ADAMTS9: variants seen among roughly 807,000 people sequenced by gnomAD.
ADAMTS9 encodes the protein A disintegrin and metalloproteinase with thrombospondin motifs 9.
ADAMTS9 carries 107 observed loss-of-function variants against 257.1 expected under a neutral mutation model. That is an observed-to-expected ratio of 0.42 (90% CI 0.36 to 0.49). The LOEUF is 0.49. Ranked by LOEUF, ADAMTS9 falls within the 20% of genes least tolerant of loss-of-function variation. ADAMTS9 has a pLI of 0.03. For synonymous variants in ADAMTS9, 982 were observed against 880.9 expected (o/e 1.11, Z -2.03); for missense variants, 2,353 against 2,469.1 (o/e 0.95, Z 1.00).
chr3:64,585,997 A>T (rs1282163410), intron 28 of ADAMTS9, among the ~76,000 whole-genome samples: 1 of 152,106 alleles, frequency 6.6e-6, no homozygotes, highest in African/African-American at 2.4e-5. Flanking sequence ...CTTTCCACTC[A>T]TGTTACATTT....
intron 27 of ADAMTS9, 106 bp downstream of exon 27, chr3:64,596,724 G>C: frequency 7.3e-7 from 1 of 1,371,780 alleles, no homozygotes; most frequent in South Asian, 1.4e-5. Flanking sequence ...CACCCCAGAA[G>C]CTTCTACTAG....
chr3:64,561,443 G>C, intron 30 of ADAMTS9, 135 bp downstream of exon 30: 1 of 998,308 alleles, frequency 1.0e-6, no homozygotes, highest in Non-Finnish European at 1.4e-6. Context: ...GAGTCTGACA[G>C]TGAACCTTTT....
At chr3:64,651,440 G>A (rs1331078785) in intron 8 of ADAMTS9, among the ~76,000 whole-genome samples, 1 of 152,172 alleles carries the variant, frequency 6.6e-6, no homozygotes, top group African/African-American at 2.4e-5. Context: ...GTACTTTTAG[G>A]AATTGCAGAG....
intron 30 of ADAMTS9, among the ~76,000 whole-genome samples, chr3:64,554,577 T>C (rs2083307850): frequency 1.3e-5 from 2 of 152,168 alleles, no homozygotes; most frequent in African/African-American, 2.4e-5. Flanking sequence ...TGAAAAACAG[T>C]TGGAAAGTTC....
At chr3:64,619,586 G>A (rs552691103) in intron 19 of ADAMTS9, among the ~76,000 whole-genome samples, 3 of 151,978 alleles carry the variant, frequency 2.0e-5, no homozygotes, top group African/African-American at 4.8e-5. Context: ...AGAATTAGTA[G>A]GGTATTAATT....
At chr3:64,634,797 T>C (rs1490016748) in intron 12 of ADAMTS9, among the ~76,000 whole-genome samples, 5 of 152,194 alleles carry the variant, frequency 3.3e-5, no homozygotes, top group African/African-American at 9.6e-5. Context: ...CCTTTTTCCT[T>C]TAGAATGAAT....
At chr3:64,608,971 T>C (rs2084616149) in intron 22 of ADAMTS9, among the ~76,000 whole-genome samples, 1 of 151,286 alleles carries the variant, frequency 6.6e-6, no homozygotes, top group South Asian at 2.1e-4. Flanking sequence ...TGGCCCAACA[T>C]AAGAAAATCA....
Position 64,686,845 on chromosome 3 carries a change from G to A in ADAMTS9, c.239C>T (p.Thr80Ile). The stretch of plus-strand genomic sequence containing the variant: ...GGAGGCGAAGGCAGGCCAGGGGTCA[G>A]TGGCAGAGTTAATGCTCCGTCGCGT... ...KRTRRSINSATDPWPAFASSS... is the reference protein window; with the variant it reads ...KRTRRSINSAIDPWPAFASSS... The change falls in exon 2 of 40, where the codon ACT (threonine) becomes ATT (isoleucine). Residue 80 changes from threonine to isoleucine, a missense_variant. By Grantham distance (89) the Thr-to-Ile change is moderately conservative. This residue lies in a region of ADAMTS9 where 591 missense variants were observed against 569.6 expected (regional missense o/e 1.04). Coordinates refer to ENST00000498707, the MANE Select transcript of ADAMTS9 (RefSeq NM_182920.2). This position sits in a 1 kb window ranked among gnomAD's most constrained non-coding sequence, Gnocchi z 4.6. 1 of 1,614,166 alleles carries A rather than the reference G, an allele frequency of 6.2e-7. No homozygotes were observed. Among genetic ancestry groups the A allele is most frequent in the Admixed American group, 1.7e-5 (1 of 60,018 alleles).
intron 11 of ADAMTS9, among the ~76,000 whole-genome samples, chr3:64,643,692 T>C (rs1217231192): frequency 6.6e-6 from 1 of 151,902 alleles, no homozygotes; most frequent in Admixed American, 6.6e-5. Flanking sequence ...CTCAAACTCC[T>C]AGACTCAAGC....
intron 4 of ADAMTS9, among the ~76,000 whole-genome samples, chr3:64,656,287 C>T (rs894758289): frequency 3.9e-5 from 6 of 152,114 alleles, no homozygotes; most frequent in East Asian, 3.8e-4. Flanking sequence ...TTGACAACCT[C>T]GTTAACCTGG....
chr3:64,542,096 A>C, intron 32 of ADAMTS9, 126 bp from the exon 33 acceptor site: 4 of 1,297,142 alleles, frequency 3.1e-6, no homozygotes, highest in Non-Finnish European at 4.2e-6. Context: ...TGTGTCGCTG[A>C]ATACAAAAAG....
At chr3:64,592,053 A>C (rs1182656266) in intron 28 of ADAMTS9, among the ~76,000 whole-genome samples, 4 of 152,212 alleles carry the variant, frequency 2.6e-5, no homozygotes, top group African/African-American at 4.8e-5. Flanking sequence ...AAATAAACAC[A>C]CAATTAAAAT....
chr3:64,554,392 C>A (rs2083305603), intron 30 of ADAMTS9, among the ~76,000 whole-genome samples: 1 of 152,160 alleles, frequency 6.6e-6, no homozygotes, highest in African/African-American at 2.4e-5. Flanking sequence ...AATCACATGG[C>A]AAGGGTTTTC....
intron 37 of ADAMTS9, among the ~76,000 whole-genome samples, chr3:64,535,949 T>G (rs2083044271): frequency 1.3e-5 from 2 of 152,188 alleles, no homozygotes; most frequent in South Asian, 4.2e-4. Flanking sequence ...ATGTCCCTCT[T>G]TTCTCCCTCC....
chr3:64,621,356 C>T (rs1164842256), intron 18 of ADAMTS9, 116 bp from the exon 19 acceptor site: 9 of 1,211,278 alleles, frequency 7.4e-6, no homozygotes, highest in Admixed American at 2.3e-5. Flanking sequence ...ATCTTCAGAG[C>T]GTATGATCTC....
At chr3:64,639,979 G>T (rs747692678) in intron 12 of ADAMTS9, among the ~76,000 whole-genome samples, 1 of 152,180 alleles carries the variant, frequency 6.6e-6, no homozygotes, top group Non-Finnish European at 1.5e-5. Context: ...TAGGCAGGAA[G>T]TAGGAATAGT....
In ADAMTS9 at chr3:64,516,780, A is replaced by G. The variant is rs2082780465; in HGVS notation, c.*347T>C. 6.5e-6 allele frequency: 1 copy of G among 152,692 alleles called. No individual in the cohort carries two copies. Among genetic ancestry groups the G allele is most frequent in the African/African-American group, 2.4e-5 (1 of 41,470 alleles). 9.5% of individuals were successfully genotyped at this position (152,692 alleles called of 1,614,324 possible). On this transcript the variant is annotated 3_prime_UTR_variant, in exon 40 of 40. Coordinates refer to ENST00000498707, the MANE Select transcript of ADAMTS9 (RefSeq NM_182920.2). ...AACATTTACAGATGAAAAGTAAACAATAGTGTACCGTGATAATGAAGGATC... is the reference window on the plus strand; with the variant it reads ...AACATTTACAGATGAAAAGTAAACAGTAGTGTACCGTGATAATGAAGGATC...
chr3:64,580,223 A>G (rs896898268), intron 28 of ADAMTS9, among the ~76,000 whole-genome samples: 2 of 152,242 alleles, frequency 1.3e-5, no homozygotes, highest in Non-Finnish European at 2.9e-5. Flanking sequence ...ATCTAAAAGC[A>G]TAAAACTGAA....
chr3:64,664,179 A>G (rs1576174633), intron 3 of ADAMTS9, among the ~76,000 whole-genome samples: 2 of 152,192 alleles, frequency 1.3e-5, no homozygotes, highest in Middle Eastern at 6.8e-3. Context: ...ATAAAATTTC[A>G]CTGTCCTGGA....
Sources: gnomAD v4.1 joint callset for allele counts (sites outside exome capture counted in the v4.1 genomes callset) on GRCh38, gnomAD v4.1.1 for gene constraint, gnomAD v4.1.1 regional missense constraint, Gnocchi (gnomAD v3.1) non-coding constraint, MANE v1.5 for transcripts, NCBI Gene and HGNC (gene_info 2026-07-23, HGNC 2026-07-21) for gene names.